The following RGS5 variants were observed in gnomAD, a reference collection of about 807,000 sequenced individuals.
RGS5 encodes regulator of G protein signaling 5.
A neutral mutation model predicts 18.9 loss-of-function variants in RGS5; 20 were observed. That is an observed-to-expected ratio of 1.06 (90% CI 0.74 to 1.54). The LOEUF (loss-of-function observed/expected upper bound fraction) is 1.54. Among genes scored for constraint, RGS5 ranks in the 40% most tolerant of loss-of-function variants. The pLI, the probability that RGS5 is intolerant of heterozygous loss-of-function variation, is 0.00. For synonymous variants in RGS5, 57 were observed against 76.2 expected, an observed-to-expected ratio of 0.75 and a Z score of 1.31; for missense variants, 201 against 211.8, an observed-to-expected ratio of 0.95 and a Z score of 0.32.
At chr1:163,151,778 G>C (rs1217618796) in intron 4 of RGS5, among the ~76,000 whole-genome samples, 1 of 152,128 alleles carries the variant, frequency 6.6e-6, no homozygotes, top group East Asian at 1.9e-4. Context: ...CAAGTCTTTG[G>C]TATTTCTTCA....
chr1:163,320,290 C>T (rs1252648134), intron 1 of RGS5, among the ~76,000 whole-genome samples: 1 of 152,174 alleles, frequency 6.6e-6, no homozygotes, highest in Non-Finnish European at 1.5e-5. Context: ...ACAGCTAATA[C>T]TTTTCAAGTA....
At chr1:163,191,716 C>T (rs1490825753) in intron 1 of RGS5, among the ~76,000 whole-genome samples, 1 of 152,078 alleles carries the variant, frequency 6.6e-6, no homozygotes, top group Non-Finnish European at 1.5e-5. Context: ...ACACAGAGCT[C>T]CTAAATCCCT....
intron 2 of RGS5, among the ~76,000 whole-genome samples, chr1:163,240,050 G>GTT (rs1382802020): frequency 2.3e-5 from 3 of 132,916 alleles, no homozygotes; most frequent in African/African-American, 7.4e-5. Flanking sequence ...TGTTTAGCAG[G>GTT]GTTTTTTTTT....
At chr1:163,222,581 T>C (rs1294394798), upstream of RGS5, among the ~76,000 whole-genome samples, 1 of 152,138 alleles carries the variant, frequency 6.6e-6, no homozygotes, top group Non-Finnish European at 1.5e-5. Context: ...TCTCCATGTA[T>C]AGATATCTTA....
intron 2 of RGS5, among the ~76,000 whole-genome samples, chr1:163,269,597 A>G (rs1645353615): frequency 6.6e-6 from 1 of 152,188 alleles, no homozygotes; most frequent in South Asian, 2.1e-4. Context: ...TCATCAAAGT[A>G]GGACCATGCA....
chr1:163,217,540 G>A (rs1660245407), exon 1 of RGS5: 7 of 1,543,522 alleles, frequency 4.5e-6, no homozygotes, highest in Non-Finnish European at 6.1e-6. Flanking sequence ...ATATGCCAAT[G>A]AGCACTGTGC....
At chr1:163,263,825 C>A (rs1258422335) in intron 2 of RGS5, among the ~76,000 whole-genome samples, 1 of 150,900 alleles carries the variant, frequency 6.6e-6, no homozygotes, top group Non-Finnish European at 1.5e-5. Flanking sequence ...AGACCTGAAC[C>A]ATCCATTTTT....
intron 1 of RGS5, among the ~76,000 whole-genome samples, chr1:163,196,695 T>C (rs1234994481): frequency 6.6e-6 from 1 of 152,180 alleles, no homozygotes; most frequent in African/African-American, 2.4e-5. Flanking sequence ...CTCACCTCTT[T>C]AACAAGGCTT....
chr1:163,205,721 G>A (rs12143177), upstream of RGS5, among the ~76,000 whole-genome samples: 22,768 of 152,152 alleles, frequency 0.15, 1,752 homozygotes, highest in South Asian at 0.26. Context: ...AGTTAGCTGT[G>A]CAAGTGGAAG....
chr1:163,298,711 C>T (rs1649483531), intron 2 of RGS5, among the ~76,000 whole-genome samples: 1 of 152,060 alleles, frequency 6.6e-6, no homozygotes, highest in Non-Finnish European at 1.5e-5. Flanking sequence ...ATGAGATTCC[C>T]AGGGAGGATA....
At position 163,161,881 on chromosome 1, in the gene RGS5, C is replaced by T. The variant is rs760747740; in HGVS notation, c.217+34G>A. The T allele has an allele frequency of 8.4e-6, 13 of 1,554,972 alleles. No homozygotes were observed. In the East Asian group the frequency reaches 1.3e-4, roughly 16 times the overall value. ...TTTTTTGTTTCTGTCTCTAACCTGA[C>T]CTTTATTTAAAAAAACAAACAATGG... On this transcript the variant is annotated intron_variant, in intron 3 of 4. Coordinates refer to ENST00000313961, the MANE Select transcript of RGS5 (RefSeq NM_003617.4).
At chr1:163,214,011 T>A (rs780972575) in intron 1 of RGS5, among the ~76,000 whole-genome samples, 1 of 152,150 alleles carries the variant, frequency 6.6e-6, no homozygotes, top group South Asian at 2.1e-4. Flanking sequence ...CCTCATCAGA[T>A]AATTAATCGA....
At chr1:163,170,069 C>T (rs1342836847) in intron 1 of RGS5, among the ~76,000 whole-genome samples, 5 of 152,178 alleles carry the variant, frequency 3.3e-5, no homozygotes, top group Non-Finnish European at 7.3e-5. Flanking sequence ...CAATTCTATA[C>T]TAGAAAAGCA....
intron 2 of RGS5, among the ~76,000 whole-genome samples, chr1:163,167,297 T>C (rs1361650497): frequency 1.3e-5 from 2 of 152,346 alleles, no homozygotes; most frequent in East Asian, 3.9e-4. Context: ...AGCTCTAAGA[T>C]AGCAGAGCGA....
At chr1:163,218,079 A>G (rs886990600), upstream of RGS5, among the ~76,000 whole-genome samples, 8 of 152,240 alleles carry the variant, frequency 5.3e-5, no homozygotes, top group African/African-American at 1.9e-4. Context: ...CATATCCTGC[A>G]GCCCAAGTGA....
intron 1 of RGS5, among the ~76,000 whole-genome samples, chr1:163,313,992 GAT>G (rs66612944): frequency 0.41 from 31,907 of 77,426 alleles, 4,447 homozygotes; most frequent in East Asian, 0.67. Flanking sequence ...AAGTAAATAA[GAT>G]ATATATGTGT....
chr1:163,311,447 T>C (rs1649860057), intron 1 of RGS5, among the ~76,000 whole-genome samples: 1 of 152,258 alleles, frequency 6.6e-6, no homozygotes, highest in Admixed American at 6.5e-5. Flanking sequence ...GCTTTTGGCC[T>C]ATCTTAGCTT....
chr1:163,149,667 GC>G (rs1386090856), intron 4 of RGS5, among the ~76,000 whole-genome samples: 1 of 151,952 alleles, frequency 6.6e-6, no homozygotes, highest in Non-Finnish European at 1.5e-5. Flanking sequence ...CTTCCACATG[GC>G]CATTTCTCTT....
chr1:163,314,563 C>CAAAA (rs66971381), intron 1 of RGS5, among the ~76,000 whole-genome samples: 236 of 151,648 alleles, frequency 1.6e-3, no homozygotes, highest in African/African-American at 5.5e-3. Flanking sequence ...ACAACAACAA[C>CAAAA]AAAAAAAACC....
Sources: gnomAD v4.1 joint callset for allele counts (sites outside exome capture counted in the v4.1 genomes callset) on GRCh38, gnomAD v4.1.1 for gene constraint, MANE v1.5 for transcripts, NCBI Gene and HGNC (gene_info 2026-07-23, HGNC 2026-07-21) for gene names.